Variants in AKAP12 observed in about 807,000 individuals in gnomAD.
AKAP12 encodes A-kinase anchoring protein 12.
Under a neutral mutation model 79.9 loss-of-function variants are expected in AKAP12, and 32 were observed. That is an observed-to-expected ratio of 0.40 (90% confidence interval 0.30 to 0.54). The LOEUF (loss-of-function observed/expected upper bound fraction) is 0.54, where lower values mean the gene tolerates loss of function less well. Ranked by LOEUF, AKAP12 falls within the 20% of genes least tolerant of loss-of-function variation. The probability of loss-of-function intolerance (pLI) is 0.48; values close to 1 mark genes in which losing one functional copy is unlikely to be tolerated. For missense variants in AKAP12, 2,074 were observed against 2,177.0 expected, an observed-to-expected ratio of 0.95 and a Z score of 0.94; for synonymous variants, 808 against 857.0, an observed-to-expected ratio of 0.94 and a Z score of 1.00.
intron 3 of AKAP12, among the ~76,000 whole-genome samples, chr6:151,317,477 C>G (rs538451675): frequency 7.9e-5 from 12 of 152,158 alleles, no homozygotes; most frequent in Non-Finnish European, 1.6e-4. Flanking sequence ...AACTCCAGGG[C>G]TTATATATAT....
At chr6:151,340,888 TCAG>T (rs1177235080) in intron 3 of AKAP12, among the ~76,000 whole-genome samples, 2 of 152,222 alleles carry the variant, frequency 1.3e-5, no homozygotes, top group African/African-American at 4.8e-5. Flanking sequence ...AACATTTTGA[TCAG>T]CAGAGCTGCA....
chr6:151,301,077 G>C (rs1219891913), intron 2 of AKAP12, among the ~76,000 whole-genome samples: 1 of 152,164 alleles, frequency 6.6e-6, no homozygotes, highest in Non-Finnish European at 1.5e-5. Context: ...TTAAGTCCCA[G>C]TATTACTTTC....
intron 2 of AKAP12, among the ~76,000 whole-genome samples, chr6:151,299,820 G>T (rs1170856258): frequency 6.6e-6 from 1 of 151,696 alleles, no homozygotes; most frequent in Non-Finnish European, 1.5e-5. Flanking sequence ...GTAGAGACTG[G>T]GTTTCAGTTT....
At chr6:151,270,240 T>C (rs1390661577) in intron 2 of AKAP12, among the ~76,000 whole-genome samples, 1 of 152,168 alleles carries the variant, frequency 6.6e-6, no homozygotes, top group Non-Finnish European at 1.5e-5. Context: ...GTATTTTTAG[T>C]AGAGATGGAA....
chr6:151,340,354 T>A lies in AKAP12; in HGVS notation c.320-8357T>A, dbSNP rs527403759. 2.0e-5 allele frequency among the ~76,000 whole-genome samples: 3 copies of A among 152,104 alleles called. No individual in the cohort carries two copies. The South Asian group carries it at 6.2e-4, about 32-fold the overall frequency. On this transcript the variant is annotated intron_variant, in intron 3 of 4. Transcript: ENST00000402676. ...CAAGTTTTGGCAATTATGCATAAAG[T>A]TGCTGTAAACATCTGTGTGCAGATG...
rs759299353 is a variant in AKAP12, at chr6:151,348,988, C to G, written c.597C>G (p.Leu199=). 5.0e-6 allele frequency: 8 copies of G among 1,614,086 alleles called. No homozygotes were observed. In the Admixed American group the frequency reaches 1.3e-4, roughly 27 times the overall value. ...KTEKPDTVQL[L]TVKKDEGEGA... Reference sequence around the variant, plus strand: ...AGAAGCCTGACACTGTCCAGCTACTCACTGTGAAGAAAGATGAAGGGGAGG... The same window carrying G: ...AGAAGCCTGACACTGTCCAGCTACTGACTGTGAAGAAAGATGAAGGGGAGG... The change falls in exon 4 of 5, where the codon CTC becomes CTG. Residue 199 remains leucine, a synonymous_variant. Transcript: ENST00000402676.
At position 151,324,908 on chromosome 6, in the gene AKAP12, T is replaced by C. The variant is rs199777364; in HGVS notation, c.319+19005T>C. Reference sequence around the variant, plus strand: ...TCTGAACTTTTAACATAGGCTTTGATTTCCGAGTTGTGTGCTTGCATGTTA... The same window carrying C: ...TCTGAACTTTTAACATAGGCTTTGACTTCCGAGTTGTGTGCTTGCATGTTA... On this transcript the variant is annotated intron_variant, in intron 3 of 4. Transcript: ENST00000402676. 6 of 985,460 alleles carry C rather than the reference T, an allele frequency of 6.1e-6. No homozygotes were observed. The East Asian group carries it at 6.8e-4, about 112-fold the overall frequency. The allele number at this position is 985,460 out of a possible 1,614,324, so 61.0% of individuals were successfully genotyped here. A position where few individuals can be genotyped will look rare whatever the true frequency, so the allele number is the denominator to read the frequency against.
At chr6:151,280,359 G>A (rs1336914968) in intron 2 of AKAP12, among the ~76,000 whole-genome samples, 1 of 151,678 alleles carries the variant, frequency 6.6e-6, no homozygotes, top group East Asian at 1.9e-4. Flanking sequence ...TATTTCTATA[G>A]GACTAATTCC....
intron 2 of AKAP12, among the ~76,000 whole-genome samples, chr6:151,297,920 C>A (rs2114745283): frequency 6.6e-6 from 1 of 152,250 alleles, no homozygotes; most frequent in East Asian, 1.9e-4. Context: ...ATCAAATGGA[C>A]CAAGTCTCAT....
intron 2 of AKAP12, among the ~76,000 whole-genome samples, chr6:151,283,107 C>T (rs1337807494): frequency 6.6e-6 from 1 of 152,092 alleles, no homozygotes; most frequent in Non-Finnish European, 1.5e-5. Flanking sequence ...GGCTGGGCTC[C>T]ATTTAATGAC....
In AKAP12 at chr6:151,240,508, C is replaced by A. The variant is rs937128943; in HGVS notation, c.-55C>A. The A allele has an allele frequency of 1.5e-6, 2 of 1,370,660 alleles. No individual in the cohort carries two copies. Among genetic ancestry groups the A allele is most frequent in the Admixed American group, 7.5e-5 (2 of 26,638 alleles). 84.9% of individuals were successfully genotyped at this position (1,370,660 alleles called of 1,614,324 possible). On this transcript the variant is annotated 5_prime_UTR_variant, in exon 2 of 5. Transcript: ENST00000402676. ...CTTTTGGCTCTTGCCCCTGTCCCTG[C>A]GGCTTGGGGAAGGCGTAACCCGGCG... is the stretch of plus-strand genomic sequence containing the variant.
chr6:151,311,373 C>T (rs568998350), intron 3 of AKAP12, among the ~76,000 whole-genome samples: 4 of 152,322 alleles, frequency 2.6e-5, no homozygotes, highest in African/African-American at 4.8e-5. Context: ...TGGCATTTGC[C>T]ACTCTGGGGC....
At chr6:151,264,500 G>T (rs7768925) in intron 2 of AKAP12, among the ~76,000 whole-genome samples, 12,925 of 150,810 alleles carry the variant, frequency 0.086, 1,025 homozygotes, top group African/African-American at 0.2. Context: ...GAGAAACCCC[G>T]TCTCTACTAA....
In AKAP12 at chr6:151,350,576, C is replaced by T. The variant is rs568376973; in HGVS notation, c.2185C>T (p.Leu729Phe). The T allele has an allele frequency of 1.9e-6, 3 of 1,614,092 alleles. No homozygotes were observed. Among genetic ancestry groups the T allele is most frequent in the East Asian group, 4.5e-5 (2 of 44,870 alleles). Residue 729 changes from leucine to phenylalanine, a missense_variant, in exon 4 of 5, where the codon CTT becomes TTT. Transcript: ENST00000402676. The surrounding 1 kb of genome is among the most constrained non-coding windows in gnomAD (Gnocchi z 4.8). ...CAAAGAGACGGGGACAGACGGGATC[C>T]TTGCTGGTTCCCAAGAACATGATCC... ...KDKETGTDGI[L>F]AGSQEHDPGQ... is the part of the protein sequence containing the mutation.
At chr6:151,331,695 C>T (rs892061481) in intron 3 of AKAP12, among the ~76,000 whole-genome samples, 2 of 151,952 alleles carry the variant, frequency 1.3e-5, no homozygotes, top group Non-Finnish European at 2.9e-5. Context: ...ACCATCCTGG[C>T]TAACATGGTG....
At chr6:151,296,588 C>G (rs946947713) in intron 2 of AKAP12, among the ~76,000 whole-genome samples, 1 of 152,140 alleles carries the variant, frequency 6.6e-6, no homozygotes, top group Admixed American at 6.5e-5. Flanking sequence ...ACTAGCCTGG[C>G]CAATGTGGCG....
chr6:151,255,742 G>C (rs1009580392), intron 2 of AKAP12, among the ~76,000 whole-genome samples: 1 of 152,052 alleles, frequency 6.6e-6, no homozygotes, highest in Non-Finnish European at 1.5e-5. Context: ...GTGAGTCGTG[G>C]TTGAACCACT....
intron 2 of AKAP12, among the ~76,000 whole-genome samples, chr6:151,250,417 T>G (rs1797151049): frequency 6.6e-6 from 1 of 151,548 alleles, no homozygotes; most frequent in Non-Finnish European, 1.5e-5. Flanking sequence ...GAGAATCGCT[T>G]GAACACGGGA....
chr6:151,304,100 T>G (rs1425228931), intron 2 of AKAP12, among the ~76,000 whole-genome samples: 1 of 152,210 alleles, frequency 6.6e-6, no homozygotes, highest in Non-Finnish European at 1.5e-5. Context: ...TATATAACAT[T>G]GCTGTATATT....
Sources: allele counts gnomAD v4.1 joint callset (sites outside exome capture counted in the v4.1 genomes callset), GRCh38; gene constraint gnomAD v4.1.1; non-coding constraint Gnocchi (gnomAD v3.1); transcripts MANE v1.5; gene names NCBI Gene and HGNC (gene_info 2026-07-23, HGNC 2026-07-21).